HMCN2: variants seen among roughly 807,000 people sequenced by gnomAD.
HMCN2 encodes hemicentin-2.
HMCN2 carries 325 observed loss-of-function variants against 377.5 expected under a neutral mutation model. That is an observed-to-expected ratio of 0.86 (90% CI 0.79 to 0.94). The LOEUF (loss-of-function observed/expected upper bound fraction) is 0.94, where lower values mean the gene tolerates loss of function less well. HMCN2 is among the 40% of genes least tolerant of loss of function. The pLI is 0.00. For synonymous variants in HMCN2, 2,007 were observed against 2,046.8 expected, an observed-to-expected ratio of 0.98 and a Z score of 0.53; for missense variants, 4,543 against 4,725.3, an observed-to-expected ratio of 0.96 and a Z score of 1.13.
chr9:130,406,285 T>C (rs867389866), intron 82 of HMCN2, 117 bp downstream of exon 82: 4 of 920,078 alleles, frequency 4.3e-6, no homozygotes, highest in African/African-American at 3.4e-5. Context: ...GCCAGCCCTG[T>C]TGGTTCTGGG....
chr9:130,328,508 T>G (rs1192553997), intron 22 of HMCN2, among the ~76,000 whole-genome samples: 1 of 152,230 alleles, frequency 6.6e-6, no homozygotes, highest in Non-Finnish European at 1.5e-5. Flanking sequence ...GCTGTAAATT[T>G]GCGAAAGCCA....
Position 130,309,993 on chromosome 9 carries a change from G to A in HMCN2, c.2282G>A (p.Gly761Asp). The A allele has an allele frequency of 1.9e-6, 1 of 533,612 alleles. No individual in the cohort carries two copies. The highest frequency in any genetic ancestry group is 3.9e-6 in the Non-Finnish European group (1 of 259,610). 33.1% of individuals were successfully genotyped at this position (533,612 alleles called of 1,614,324 possible). A position where few individuals can be genotyped will look rare whatever the true frequency, so the allele number is the denominator to read the frequency against. The change falls in exon 15 of 98, where the codon GGC (glycine) becomes GAC (aspartate). Residue 761 changes from glycine (G) to aspartate (D), a missense_variant. By Grantham distance (94) the Gly-to-Asp change is moderately conservative. Coordinates refer to ENST00000683500, the MANE Select transcript of HMCN2 (RefSeq NM_001291815.2). ...CCGGCGGCTCAGGAGAGGGATGCTGGCACCTACACCTGCCGGGCTGTCAAT... is the reference window on the plus strand; with the variant it reads ...CCGGCGGCTCAGGAGAGGGATGCTGACACCTACACCTGCCGGGCTGTCAAT... ...RIPAAQERDAGTYTCRAVNEL... is the reference protein window; with the variant it reads ...RIPAAQERDADTYTCRAVNEL...
chr9:130,424,169 AT>A (rs57296543), intron 87 of HMCN2, among the ~76,000 whole-genome samples: 6,105 of 68,432 alleles, frequency 0.089, 158 homozygotes, highest in Non-Finnish European at 0.11. Context: ...ATATATATAT[AT>A]TTTTTTTTTT....
chr9:130,411,077 T>G (rs1175216127), intron 85 of HMCN2, among the ~76,000 whole-genome samples: 2 of 152,018 alleles, frequency 1.3e-5, no homozygotes, highest in Non-Finnish European at 2.9e-5. Flanking sequence ...CTCATGAATT[T>G]TTACAATGCG....
chr9:130,331,555 C>G (rs1009672105), intron 22 of HMCN2, among the ~76,000 whole-genome samples: 2 of 151,468 alleles, frequency 1.3e-5, no homozygotes, highest in African/African-American at 2.4e-5. Context: ...GACCTGGGGT[C>G]CCATCCCAGC....
rs1842469675 is a variant in HMCN2, at chr9:130,393,975, G to A, written c.10468G>A (p.Glu3490Lys). 5 of 1,277,888 alleles carry A rather than the reference G, an allele frequency of 3.9e-6. No homozygotes were observed. The South Asian group carries it at 6.3e-5, about 16-fold the overall frequency. The allele number at this position is 1,277,888 out of a possible 1,614,324, so 79.2% of individuals were successfully genotyped here. A position where few individuals can be genotyped will look rare whatever the true frequency, so the allele number is the denominator to read the frequency against. ...CTGTGTGGCCGTGAGCGAGGCGGGGGAAGCCAGGAGGCATTTCCAGCTGAC... is the reference window on the plus strand; with the variant it reads ...CTGTGTGGCCGTGAGCGAGGCGGGGAAAGCCAGGAGGCATTTCCAGCTGAC... ...YSCVAVSEAG[E>K]ARRHFQLTVM... The change falls in exon 68 of 98, where the codon GAA (glutamate) becomes AAA (lysine). Residue 3490 changes from glutamate to lysine, a missense_variant. Around this residue, in one of 5 missense-constraint regions of HMCN2, gnomAD observed 1,073 missense variants for 1,319.5 expected, o/e 0.81. Transcript: ENST00000683500. The surrounding 1 kb of genome is among the most constrained non-coding windows in gnomAD (Gnocchi z 5.2).
intron 85 of HMCN2, 37 bp downstream of exon 85, chr9:130,410,689 G>A (rs1267382931): frequency 6.5e-7 from 1 of 1,535,712 alleles, no homozygotes; most frequent in Non-Finnish European, 8.8e-7. Flanking sequence ...GACGTGGGAA[G>A]TGTGCTCGGG....
rs1222740139 is a variant in HMCN2, at chr9:130,393,935, C to G, written c.10428C>G (p.Asp3476Glu). The G allele has an allele frequency of 7.0e-6, 9 of 1,288,872 alleles. No individual in the cohort carries two copies. In the Admixed American group the frequency reaches 1.6e-4, roughly 23 times the overall value. The allele number at this position is 1,288,872 out of a possible 1,614,324, so 79.8% of individuals were successfully genotyped here. A position where few individuals can be genotyped will look rare whatever the true frequency, so the allele number is the denominator to read the frequency against. ...SLQLEAVGAG[D>E]SGTYSCVAVS... ...AGCTGGAGGCAGTGGGAGCTGGTGA[C>G]TCGGGGACCTACTCCTGTGTGGCCG... The change falls in exon 68 of 98, where the codon GAC becomes GAG. Residue 3476 changes from aspartate to glutamate, a missense_variant. Asp to Glu is a conservative substitution (Grantham distance 45). This residue lies in a region of HMCN2 where 1,073 missense variants were observed against 1,319.5 expected (regional missense o/e 0.81). Coordinates refer to ENST00000683500, the MANE Select transcript of HMCN2 (RefSeq NM_001291815.2). This position sits in a 1 kb window ranked among gnomAD's most constrained non-coding sequence, Gnocchi z 5.2.
In HMCN2 at chr9:130,360,366, C is replaced by G; in HGVS notation, c.5774-62C>G. 2 of 998,682 alleles carry G rather than the reference C, an allele frequency of 2.0e-6. No homozygotes were observed. The highest frequency in any genetic ancestry group is 1.3e-6 in the Non-Finnish European group (1 of 776,886). 61.9% of individuals were successfully genotyped at this position (998,682 alleles called of 1,614,324 possible). A position where few individuals can be genotyped will look rare whatever the true frequency, so the allele number is the denominator to read the frequency against. On this transcript the variant is annotated intron_variant, in intron 37 of 97. Coordinates refer to ENST00000683500, the MANE Select transcript of HMCN2 (RefSeq NM_001291815.2). This position sits in a 1 kb window ranked among gnomAD's most constrained non-coding sequence, Gnocchi z 4.7. ...CTCTCTTCCTTTCCCCCTTACTTCTCTCTTCCATTCCCCCTTGCTTCTCTC... is the reference window on the plus strand; with the variant it reads ...CTCTCTTCCTTTCCCCCTTACTTCTGTCTTCCATTCCCCCTTGCTTCTCTC...
chr9:130,381,016 C>A (rs534326640), intron 54 of HMCN2, among the ~76,000 whole-genome samples: 28 of 152,212 alleles, frequency 1.8e-4, no homozygotes, highest in African/African-American at 6.5e-4. Flanking sequence ...CAGACCACAG[C>A]CACCAACTGC....
At position 130,405,006 on chromosome 9, in the gene HMCN2, G is replaced by T; in HGVS notation, c.12286G>T (p.Glu4096Ter). 1 of 1,289,692 alleles carries T rather than the reference G, an allele frequency of 7.8e-7. No individual in the cohort carries two copies. Among genetic ancestry groups the T allele is most frequent in the Non-Finnish European group, 1.0e-6 (1 of 988,762 alleles). The allele number at this position is 1,289,692 out of a possible 1,614,324, so 79.9% of individuals were successfully genotyped here. The change falls in exon 81 of 98, where the codon GAG becomes TAG. Residue 4096 changes from glutamate (E) to a stop codon, truncating the protein, a stop_gained. Coordinates refer to ENST00000683500, the MANE Select transcript of HMCN2 (RefSeq NM_001291815.2). LOFTEE classifies it high-confidence loss of function. ...AGATGGCCAGCCTGTGTCGGGCGCC[G>T]AGGGGAAGTTCACCATCCAGCCTTC... ...DKDGQPVSGA[E>*]GKFTIQPSGE...
Position 130,431,411 on chromosome 9 carries a change from C to A in HMCN2, c.14692C>A (p.Arg4898Ser). The change falls in exon 96 of 98, where the codon CGC becomes AGC. Residue 4898 changes from arginine to serine, a missense_variant. By Grantham distance (110) the Arg-to-Ser change is moderately radical. Transcript: ENST00000683500. The stretch of plus-strand genomic sequence containing the variant: ...GAGGAACCTGTGTCAGCACGCCTGC[C>A]GCAACACTGAGGGCAGCTACCAGTG... ...RVRNLCQHAC[R>S]NTEGSYQCLC... The A allele has an allele frequency of 6.5e-7, 1 of 1,550,244 alleles. No individual in the cohort carries two copies. Among genetic ancestry groups the A allele is most frequent in the Non-Finnish European group, 8.7e-7 (1 of 1,146,846 alleles).
rs909345396 is a variant in HMCN2 at position 130,313,609 on chromosome 9, C to G, written c.2350+3548C>G. 2.6e-3 allele frequency among the ~76,000 whole-genome samples: 389 copies of G among 151,660 alleles called. 1 individual carries two copies. Among genetic ancestry groups the G allele is most frequent in the Admixed American group, 6.1e-3 (93 of 15,254 alleles). ...AATAATGCATGTGGGCACCCCCCCC[C>G]ATAAACCTGTGTCCAGGCTGGGTGA... On this transcript the variant is annotated intron_variant, in intron 15 of 97. Transcript: ENST00000683500.
At chr9:130,336,815 T>C (rs1001871329) in intron 22 of HMCN2, among the ~76,000 whole-genome samples, 12,923 of 152,116 alleles carry the variant, frequency 0.085, 792 homozygotes, top group East Asian at 0.23. Context: ...GGCCCGCGCT[T>C]TGCTCACCAT....
rs1042714525 is a variant in HMCN2 at position 130,393,474 on chromosome 9, A to G, written c.10234+165A>G. 3.9e-5 allele frequency among the ~76,000 whole-genome samples: 6 copies of G among 152,062 alleles called. No homozygotes were observed. Among genetic ancestry groups the G allele is most frequent in the African/African-American group, 1.4e-4 (6 of 41,418 alleles). ...CTGACTCACTGTATTGCTCGTTTGT[A>G]CCTCACAAGTGGCTGTGGGCACTCT... On this transcript the variant is annotated intron_variant, in intron 67 of 97. Transcript: ENST00000683500. This position sits in a 1 kb window ranked among gnomAD's most constrained non-coding sequence, Gnocchi z 5.2.
In HMCN2 at chr9:130,399,465, C is replaced by T. The variant is rs775441151; in HGVS notation, c.11484-46C>T. ...CCACAGCCAGAAAGCCACAGCTGGT[C>T]TCTGTCAGCCCAGCAGCCACTTGGC... On this transcript the variant is annotated intron_variant, in intron 75 of 97. Transcript: ENST00000683500. The T allele has an allele frequency of 2.4e-5, 29 of 1,232,762 alleles. No individual in the cohort carries two copies. In the South Asian group the frequency reaches 2.4e-4, roughly 10 times the overall value. 76.4% of individuals were successfully genotyped at this position (1,232,762 alleles called of 1,614,324 possible). A position where few individuals can be genotyped will look rare whatever the true frequency, so the allele number is the denominator to read the frequency against.
intron 81 of HMCN2, among the ~76,000 whole-genome samples, chr9:130,405,435 C>T (rs1843046563): frequency 6.6e-6 from 1 of 152,206 alleles, no homozygotes; most frequent in African/African-American, 2.4e-5. Flanking sequence ...GTGGGACCCC[C>T]AACCTCCTTC....
chr9:130,357,588 G>T (rs1166895842), intron 34 of HMCN2, among the ~76,000 whole-genome samples: 1 of 152,182 alleles, frequency 6.6e-6, no homozygotes, highest in Non-Finnish European at 1.5e-5. Context: ...TGCATGAATA[G>T]ATGCATGGGT....
chr9:130,425,957 G>A (rs751531173), intron 90 of HMCN2, 33 bp downstream of exon 90: 4 of 1,489,488 alleles, frequency 2.7e-6, no homozygotes, highest in South Asian at 2.4e-5. Flanking sequence ...CACCCCCACT[G>A]CCCCAGCTAA....
Sources: allele counts gnomAD v4.1 joint callset (sites outside exome capture counted in the v4.1 genomes callset), GRCh38; gene constraint gnomAD v4.1.1; regional missense constraint gnomAD v4.1.1; non-coding constraint Gnocchi (gnomAD v3.1); transcripts MANE v1.5; gene names NCBI Gene and HGNC (gene_info 2026-07-23, HGNC 2026-07-21).